Variants in ANKRD12 observed in about 807,000 individuals in gnomAD.
ANKRD12 encodes the protein ankyrin repeat domain 12, also known as ankyrin repeat domain-containing protein 12.
A neutral mutation model predicts 183.4 loss-of-function variants in ANKRD12; 85 were observed. That is an observed-to-expected ratio of 0.46 (90% CI 0.39 to 0.56). The LOEUF is 0.56. Among genes scored for constraint, ANKRD12 ranks in the 20% least tolerant of loss-of-function variants. The probability of loss-of-function intolerance (pLI) is 0.00; values close to 1 mark genes in which losing one functional copy is unlikely to be tolerated. For synonymous variants in ANKRD12, 914 were observed against 800.2 expected (o/e 1.14, Z -2.40); for missense variants, 2,405 against 2,357.1 (o/e 1.02, Z -0.42).
intron 1 of ANKRD12, among the ~76,000 whole-genome samples, chr18:9,148,088 C>G (rs2078553673): frequency 1.3e-5 from 2 of 152,272 alleles, no homozygotes; most frequent in Non-Finnish European, 1.5e-5. Context: ...CTCCCAGTGC[C>G]AGAAATGCAA....
At chr18:9,214,179 T>G (rs1000249627) in intron 6 of ANKRD12, among the ~76,000 whole-genome samples, 14 of 152,050 alleles carry the variant, frequency 9.2e-5, no homozygotes, top group Non-Finnish European at 1.9e-4. Context: ...TTAAATACAT[T>G]ATAAGTGCAT....
chr18:9,138,573 TAAA>T (rs1288910541), intron 1 of ANKRD12, among the ~76,000 whole-genome samples: 1 of 152,128 alleles, frequency 6.6e-6, no homozygotes, highest in Non-Finnish European at 1.5e-5. Flanking sequence ...AGTAGGCCGT[TAAA>T]AATCTTGGGC....
At chr18:9,244,687 A>G (rs543441707) in intron 8 of ANKRD12, among the ~76,000 whole-genome samples, 2 of 152,342 alleles carry the variant, frequency 1.3e-5, no homozygotes, top group South Asian at 2.1e-4. Flanking sequence ...GAACAAGAAC[A>G]GAGACAAAAA....
rs33944736 is a variant in ANKRD12, at chr18:9,175,523, C to CTTTTTTTTTTT, written c.-51-6841_-51-6831dup. ...CTTGATCAGTTTTTCAAAGGCTCCT[C>CTTTTTTTTTTT]TTTTTTTTTTTTTTTTTTTTTTTTT... On this transcript the variant is annotated intron_variant, in intron 1 of 12. Transcript: ENST00000262126. Among the ~76,000 whole-genome samples, 248 of 53,314 alleles carry CTTTTTTTTTTT rather than the reference C, an allele frequency of 4.7e-3. 73 individuals are homozygous for CTTTTTTTTTTT. The highest frequency in any genetic ancestry group is 6.3e-3 in the Non-Finnish European group (198 of 31,446). The allele number at this position is 53,314 out of a possible 152,430, so 35.0% of individuals were successfully genotyped here.
intron 1 of ANKRD12, among the ~76,000 whole-genome samples, chr18:9,173,664 C>T (rs1180301091): frequency 1.3e-5 from 2 of 151,268 alleles, no homozygotes; most frequent in African/African-American, 4.9e-5. Flanking sequence ...AGCCTGGATG[C>T]TGCTGTAGAA....
Position 9,284,622 on chromosome 18 carries a change from T to C in ANKRD12, c.*3496T>C, listed in dbSNP as rs964515390. The C allele has an allele frequency of 1.3e-5, 2 of 152,192 alleles. No individual in the cohort carries two copies. Among genetic ancestry groups the C allele is most frequent in the African/African-American group, 4.8e-5 (2 of 41,454 alleles). 9.4% of individuals were successfully genotyped at this position (152,192 alleles called of 1,614,324 possible). ...TAAAATATCTTGTAATTCATCATTA[T>C]TTAAGTGACTTCTTGGGAGCCGTCT... is the stretch of plus-strand genomic sequence containing the variant. On this transcript the variant is annotated 3_prime_UTR_variant, in exon 13 of 13. Coordinates refer to ENST00000262126, the MANE Select transcript of ANKRD12 (RefSeq NM_015208.5).
At chr18:9,229,629 T>C (rs1166117543) in intron 8 of ANKRD12, among the ~76,000 whole-genome samples, 1 of 152,212 alleles carries the variant, frequency 6.6e-6, no homozygotes, top group Non-Finnish European at 1.5e-5. Context: ...TGTGTAAAAA[T>C]GCTACTGATT....
chr18:9,140,498 A>G (rs1032549610), intron 1 of ANKRD12, among the ~76,000 whole-genome samples: 3 of 152,210 alleles, frequency 2.0e-5, no homozygotes, highest in Non-Finnish European at 4.4e-5. Context: ...ATTCTCATGT[A>G]TACTCATGCA....
intron 1 of ANKRD12, among the ~76,000 whole-genome samples, chr18:9,144,985 AAG>A (rs1306826527): frequency 6.6e-6 from 1 of 152,188 alleles, no homozygotes; most frequent in Non-Finnish European, 1.5e-5. Flanking sequence ...AAGGAGTAAA[AAG>A]TGAAAAGTCA....
In ANKRD12 at chr18:9,284,300, CAAA is replaced by C. The variant is rs1249977693; in HGVS notation, c.*3175_*3177del. 6.6e-6 allele frequency: 1 copy of C among 152,170 alleles called. No homozygotes were observed. Among genetic ancestry groups the C allele is most frequent in the East Asian group, 1.9e-4 (1 of 5,198 alleles). 9.4% of individuals were successfully genotyped at this position (152,170 alleles called of 1,614,324 possible). On this transcript the variant is annotated 3_prime_UTR_variant, in exon 13 of 13. Coordinates refer to ENST00000262126, the MANE Select transcript of ANKRD12 (RefSeq NM_015208.5). ...ACAAACTTCATAACTGGAAACATCT[CAAA>C]GACCCCATGAAGCTCATTTGAATGG...
chr18:9,160,762 T>C (rs1012921271), intron 1 of ANKRD12, among the ~76,000 whole-genome samples: 2 of 152,156 alleles, frequency 1.3e-5, no homozygotes, highest in Non-Finnish European at 2.9e-5. Flanking sequence ...TGAGAGTAAA[T>C]TGTAATGTTC....
chr18:9,211,648 T>G lies in ANKRD12; in HGVS notation c.516T>G (p.Ser172=), dbSNP rs1238305350. ...AAAAGAAAACTCCCAGTTCTTCATC[T>G]CGACAGAAAGATAAAGTTAATAAAA... is the stretch of plus-strand genomic sequence containing the variant. ...PAQKKTPSSS[S]RQKDKVNKRN... is the part of the protein sequence containing the mutation. The change falls in exon 6 of 13, where the codon TCT becomes TCG. Residue 172 remains serine (S), a synonymous_variant. Transcript: ENST00000262126. 3.1e-6 allele frequency: 5 copies of G among 1,613,772 alleles called. No individual in the cohort carries two copies. The South Asian group carries it at 3.3e-5, about 11-fold the overall frequency.
intron 8 of ANKRD12, among the ~76,000 whole-genome samples, chr18:9,224,970 C>G (rs1339725702): frequency 6.6e-6 from 1 of 152,016 alleles, no homozygotes; most frequent in East Asian, 1.9e-4. Flanking sequence ...GGCATGGTGG[C>G]ATGTGCCTGC....
rs150597432 is a variant in ANKRD12, at chr18:9,199,317, A to G, written c.235+3619A>G. Reference sequence around the variant, plus strand: ...GTGATCATGATATTGGAAGTAAAAAATTAGATTATGAAACAGTATGTGCTA... The same window carrying G: ...GTGATCATGATATTGGAAGTAAAAAGTTAGATTATGAAACAGTATGTGCTA... On this transcript the variant is annotated intron_variant, in intron 3 of 12. Coordinates refer to ENST00000262126, the MANE Select transcript of ANKRD12 (RefSeq NM_015208.5). Among the ~76,000 whole-genome samples, 951 of 152,322 alleles carry G rather than the reference A, an allele frequency of 6.2e-3. 10 individuals carry two copies. Among genetic ancestry groups the G allele is most frequent in the African/African-American group, 0.021 (892 of 41,564 alleles).
At chr18:9,209,571 TTATAA>T (rs2144611380) in intron 5 of ANKRD12, among the ~76,000 whole-genome samples, 1 of 152,286 alleles carries the variant, frequency 6.6e-6, no homozygotes, top group South Asian at 2.1e-4. Flanking sequence ...TTTCTAAATA[TTATAA>T]TTTCAAAGCA....
At chr18:9,240,078 A>T (rs906439097) in intron 8 of ANKRD12, among the ~76,000 whole-genome samples, 1 of 152,180 alleles carries the variant, frequency 6.6e-6, no homozygotes, top group Non-Finnish European at 1.5e-5. Flanking sequence ...GTGCTTTGTG[A>T]TGTAATTGAT....
intron 2 of ANKRD12, among the ~76,000 whole-genome samples, chr18:9,186,983 A>G (rs528664199): frequency 6.6e-6 from 1 of 151,632 alleles, no homozygotes; most frequent in South Asian, 2.1e-4. Flanking sequence ...GAATGGTCTC[A>G]ATCTCCTGAC....
intron 2 of ANKRD12, among the ~76,000 whole-genome samples, chr18:9,187,642 A>G (rs1286317005): frequency 6.6e-6 from 1 of 152,214 alleles, no homozygotes; most frequent in African/African-American, 2.4e-5. Context: ...GATTTTGACA[A>G]GAATGTTCAC....
chr18:9,262,196 T>A (rs533342183), intron 9 of ANKRD12, among the ~76,000 whole-genome samples: 34 of 152,128 alleles, frequency 2.2e-4, no homozygotes, highest in Non-Finnish European at 3.7e-4. Flanking sequence ...TTTTCATATA[T>A]GGTGTTACAT....
Sources: allele counts gnomAD v4.1 joint callset (sites outside exome capture counted in the v4.1 genomes callset), GRCh38; gene constraint gnomAD v4.1.1; transcripts MANE v1.5; gene names NCBI Gene and HGNC (gene_info 2026-07-23, HGNC 2026-07-21).